Variants in BCLAF3 observed in about 807,000 individuals in gnomAD.
BCLAF3 encodes BCLAF1 and THRAP3 family member 3.
Under a neutral mutation model 51.2 loss-of-function variants are expected in BCLAF3, and 24 were observed. The ratio of observed to expected loss-of-function variants is 0.47; its 90% CI spans 0.34 to 0.66. BCLAF3 has a LOEUF of 0.66. Ranked by LOEUF, BCLAF3 falls within the 30% of genes least tolerant of loss-of-function variation. BCLAF3 has a pLI of 0.01. For missense variants in BCLAF3, 465 were observed against 525.1 expected, an observed-to-expected ratio of 0.89 and a Z score of 1.12; for synonymous variants, 152 against 176.6, an observed-to-expected ratio of 0.86 and a Z score of 1.10.
chrX:19,922,270 G>A (rs2070192037), intron 11 of BCLAF3, among the ~76,000 whole-genome samples: 1 of 110,890 alleles, frequency 9.0e-6, no homozygotes, highest in African/African-American at 3.3e-5. Context: ...AATTCAGAGT[G>A]AGTCCAGAGA....
At position 19,916,386 on chromosome X, in the gene BCLAF3, A is replaced by C. The variant is rs1228655749; in HGVS notation, c.*919T>G. On this transcript the variant is annotated 3_prime_UTR_variant, in exon 12 of 12. Coordinates refer to ENST00000379682, the MANE Select transcript of BCLAF3 (RefSeq NM_001367774.2). ...AGAAATAAGGTATTGGGGCCTAAAA[A>C]TTTCATTTAAAAATCCCATCCATTT... 8.9e-6 allele frequency: 1 copy of C among 112,705 alleles called. No individual in the cohort carries two copies. Among genetic ancestry groups the C allele is most frequent in the Non-Finnish European group, 1.9e-5 (1 of 53,232 alleles). 9.3% of individuals were successfully genotyped at this position (112,705 alleles called of 1,213,427 possible).
intron 10 of BCLAF3, among the ~76,000 whole-genome samples, chrX:19,933,869 G>A (rs1449408276): frequency 1.8e-5 from 2 of 111,476 alleles, no homozygotes; most frequent in Non-Finnish European, 3.8e-5. Flanking sequence ...CTCCCAGGCT[G>A]AAGCGATCTT....
At chrX:19,926,114 T>C (rs1456577250) in intron 11 of BCLAF3, among the ~76,000 whole-genome samples, 2 of 110,999 alleles carry the variant, frequency 1.8e-5, no homozygotes, top group Non-Finnish European at 3.8e-5. Flanking sequence ...GTGGCTGCAA[T>C]AGAAAGATAT....
In BCLAF3 at chrX:19,923,988, T is replaced by C. The variant is rs758929926; in HGVS notation, c.2106+5797A>G. Among the ~76,000 whole-genome samples, 12 of 110,323 alleles carry C rather than the reference T, an allele frequency of 1.1e-4. No individual in the cohort carries two copies. In the South Asian group the frequency reaches 1.9e-3, roughly 18 times the overall value. Reference sequence around the variant, plus strand: ...TCCTGAGAAGCTGGGATTGTAGAGATAGGGTTTCACCATGTTGGCCAGGCT... The same window carrying C: ...TCCTGAGAAGCTGGGATTGTAGAGACAGGGTTTCACCATGTTGGCCAGGCT... On this transcript the variant is annotated intron_variant, in intron 11 of 11. Transcript: ENST00000379682.
intron 6 of BCLAF3, 92 bp downstream of exon 6, chrX:19,953,686 G>T: frequency 3.3e-6 from 2 of 608,568 alleles, no homozygotes; most frequent in Non-Finnish European, 2.5e-6. Flanking sequence ...GCAAGCCCAA[G>T]TGAGCAGGTT....
intron 11 of BCLAF3, among the ~76,000 whole-genome samples, chrX:19,926,147 G>A (rs1051350894): frequency 1.8e-5 from 2 of 111,375 alleles, no homozygotes; most frequent in African/African-American, 6.5e-5. Context: ...CCAGAAGGGT[G>A]GGCCTAAGAA....
chrX:19,922,857 G>A lies in BCLAF3; in HGVS notation c.2107-5523C>T, dbSNP rs2070217043. On this transcript the variant is annotated intron_variant, in intron 11 of 11. Transcript: ENST00000379682. The stretch of plus-strand genomic sequence containing the variant: ...GGAGGTTGCAGTAAGCCGAGATCGC[G>A]CCACTGCACTCCAGCCTGGGTGACA... 3.6e-5 allele frequency among the ~76,000 whole-genome samples: 4 copies of A among 109,812 alleles called. No individual in the cohort carries two copies. The South Asian group carries it at 1.6e-3, about 43-fold the overall frequency.
intron 1 of BCLAF3, among the ~76,000 whole-genome samples, chrX:19,979,054 G>A (rs2072525188): frequency 9.0e-6 from 1 of 111,255 alleles, no homozygotes; most frequent in South Asian, 3.8e-4. Context: ...GAGGCCAGGA[G>A]TTCGAGACCA....
rs2069875339 is a variant in BCLAF3 at position 19,914,193 on chromosome X, G to A, written c.*3112C>T. On this transcript the variant is annotated 3_prime_UTR_variant, in exon 12 of 12. Transcript: ENST00000379682. ...CTGAGATGGAAGCAAAGACTTCGTT[G>A]TCCCAAGAGTTTTCCTTGACTCTCC... The A allele has an allele frequency of 9.0e-6, 1 of 111,305 alleles. No homozygotes were observed. 9.2% of individuals were successfully genotyped at this position (111,305 alleles called of 1,213,427 possible). A position where few individuals can be genotyped will look rare whatever the true frequency, so the allele number is the denominator to read the frequency against.
At chrX:19,943,635 G>C (rs1279124401) in intron 8 of BCLAF3, among the ~76,000 whole-genome samples, 9 of 98,764 alleles carry the variant, frequency 9.1e-5, no homozygotes, top group Non-Finnish European at 1.6e-4. Flanking sequence ...TGTGGTCTGA[G>C]AGAGAGTTTG....
At chrX:19,957,248 C>G (rs933788466) in intron 4 of BCLAF3, among the ~76,000 whole-genome samples, 1 of 111,409 alleles carries the variant, frequency 9.0e-6, no homozygotes, top group Non-Finnish European at 1.9e-5. Flanking sequence ...TAATTTGCTC[C>G]AAGCTTCCCA....
chrX:19,974,545 G>T (rs1277488219), intron 1 of BCLAF3, among the ~76,000 whole-genome samples: 8 of 111,767 alleles, frequency 7.2e-5, no homozygotes, highest in African/African-American at 2.6e-4. Context: ...GTATTATTAA[G>T]AACACTTTCC....
At chrX:19,940,991 T>C (rs372540374) in intron 8 of BCLAF3, among the ~76,000 whole-genome samples, 2 of 110,678 alleles carry the variant, frequency 1.8e-5, no homozygotes, top group Admixed American at 1.9e-4. Flanking sequence ...TATCTCATAG[T>C]GGTTTTGATT....
chrX:19,987,166 T>G (rs1011179330), intron 1 of BCLAF3, among the ~76,000 whole-genome samples: 1 of 111,381 alleles, frequency 9.0e-6, no homozygotes, highest in African/African-American at 3.3e-5. Context: ...TAAAGTAGAA[T>G]GATAGTCATA....
chrX:19,980,904 A>G (rs2072589434), intron 1 of BCLAF3, among the ~76,000 whole-genome samples: 1 of 106,857 alleles, frequency 9.4e-6, no homozygotes, highest in South Asian at 4.2e-4. Context: ...GCACCACTGC[A>G]CTCCAGCCTG....
intron 8 of BCLAF3, among the ~76,000 whole-genome samples, chrX:19,941,069 C>A (rs1236961865): frequency 9.1e-6 from 1 of 110,429 alleles, no homozygotes; most frequent in Non-Finnish European, 1.9e-5. Flanking sequence ...TAAATGTCTT[C>A]TTTTGAGAAG....
chrX:19,952,923 CA>C lies in BCLAF3; in HGVS notation c.1629+64del, dbSNP rs2071539505. 5 of 897,713 alleles carry C rather than the reference CA, an allele frequency of 5.6e-6. No homozygotes were observed. The Admixed American group carries it at 1.3e-4, about 24-fold the overall frequency. The allele number at this position is 897,713 out of a possible 1,213,427, so 74.0% of individuals were successfully genotyped here. Reference sequence around the variant, plus strand: ...TAACTCCCTTTTCTCTCCCAACCACCAAGCCCCTTGCCGTTAATATACAAAC... The same window carrying C: ...TAACTCCCTTTTCTCTCCCAACCACCAGCCCCTTGCCGTTAATATACAAAC... On this transcript the variant is annotated intron_variant, in intron 7 of 11. Coordinates refer to ENST00000379682, the MANE Select transcript of BCLAF3 (RefSeq NM_001367774.2).
At chrX:19,936,846 A>G (rs181747168) in intron 9 of BCLAF3, among the ~76,000 whole-genome samples, 3 of 111,189 alleles carry the variant, frequency 2.7e-5, no homozygotes, top group Admixed American at 9.7e-5. Context: ...GAGGGTTCAT[A>G]TTGGGTAATG....
chrX:19,955,534 A>G lies in BCLAF3; in HGVS notation c.1307T>C (p.Met436Thr), dbSNP rs2071631399. The change falls in exon 5 of 12, where the codon ATG (methionine) becomes ACG (threonine). Residue 436 changes from methionine to threonine, a missense_variant. Physicochemically the swap from Met to Thr is moderately conservative, Grantham distance 81. Coordinates refer to ENST00000379682, the MANE Select transcript of BCLAF3 (RefSeq NM_001367774.2). ...GCCAACAGCAACCAAATCATGTGAC[A>G]TCTGTCTCTCTGTGGAATAGCTAGA... The part of the protein sequence containing the change: ...VASSYSTERQ[M>T]SHDLVAVGRK... 3.3e-6 allele frequency: 4 copies of G among 1,198,762 alleles called. No individual in the cohort carries two copies. The South Asian group carries it at 7.4e-5, about 22-fold the overall frequency.
Sources: gnomAD v4.1 joint callset for allele counts (sites outside exome capture counted in the v4.1 genomes callset) on GRCh38, gnomAD v4.1.1 for gene constraint, MANE v1.5 for transcripts, NCBI Gene and HGNC (gene_info 2026-07-23, HGNC 2026-07-21) for gene names.